DPF2: variants seen among roughly 807,000 people sequenced by gnomAD.
DPF2 encodes double PHD fingers 2, also known as zinc finger protein ubi-d4.
DPF2 carries 10 observed loss-of-function variants against 59.6 expected under a neutral mutation model. That is an observed-to-expected ratio of 0.17 (90% confidence interval 0.10 to 0.28). The LOEUF is 0.28. Among genes scored for constraint, DPF2 ranks in the 10% least tolerant of loss-of-function variants. The pLI, the probability that DPF2 is intolerant of heterozygous loss-of-function variation, is 1.00. For missense variants in DPF2, 315 were observed against 509.4 expected (o/e 0.62, Z 3.67); for synonymous variants, 189 against 190.6 (o/e 0.99, Z 0.07).
At chr11:65,338,680 T>C (rs1455950230) in intron 1 of DPF2, among the ~76,000 whole-genome samples, 2 of 152,176 alleles carry the variant, frequency 1.3e-5, no homozygotes, top group East Asian at 1.9e-4. Context: ...TTACAGCTCA[T>C]TGAATCACGC....
chr11:65,334,139 G>C (rs1351967998), intron 1 of DPF2, among the ~76,000 whole-genome samples: 1 of 152,242 alleles, frequency 6.6e-6, no homozygotes, highest in Non-Finnish European at 1.5e-5. Flanking sequence ...CCCGACGGGC[G>C]GCATCCCTGC....
intron 6 of DPF2, chr11:65,345,465 C>A: frequency 1.5e-6 from 1 of 652,200 alleles, no homozygotes; most frequent in Non-Finnish European, 2.6e-6. Context: ...GGGAAAAGAG[C>A]CCCAGAAGCT....
chr11:65,340,460 C>T lies in DPF2; in HGVS notation c.108C>T (p.Ser36=), dbSNP rs771572418. ...ATGCTCGCCTCTGTGCTGAGCGCAG[C>T]GTGCGCCTGCCTTTCTTGGACTCAC... ...NYNARLCAER[S]VRLPFLDSQT... Residue 36 remains serine (S), a synonymous_variant, in exon 2 of 11, where the codon AGC becomes AGT. Transcript: ENST00000528416. 27 of 1,614,256 alleles carry T rather than the reference C, an allele frequency of 1.7e-5. No individual in the cohort carries two copies. The East Asian group carries it at 2.5e-4, about 15-fold the overall frequency.
chr11:65,349,021 A>G (rs1854618793), intron 10 of DPF2, 90 bp downstream of exon 10: 4 of 1,456,228 alleles, frequency 2.7e-6, no homozygotes, highest in Non-Finnish European at 3.8e-6. Flanking sequence ...TATCACTTAC[A>G]TATTCTTCCA....
At chr11:65,341,133 C>A (rs1204096381) in intron 3 of DPF2, 60 bp downstream of exon 3, 1 of 1,543,876 alleles carries the variant, frequency 6.5e-7, no homozygotes, top group East Asian at 2.2e-5. Flanking sequence ...GCCTGCTAAT[C>A]ACTGTGATAT....
At position 65,335,079 on chromosome 11, in the gene DPF2, G is replaced by T. The variant is rs202050658; in HGVS notation, c.32+1161G>T. Reference sequence around the variant, plus strand: ...AGTGCCTTTCCTCCTCTTGTGGTTTGTTTTTTTTTTTTTTAAGTTGCTTTC... The same window carrying T: ...AGTGCCTTTCCTCCTCTTGTGGTTTTTTTTTTTTTTTTTTAAGTTGCTTTC... On this transcript the variant is annotated intron_variant, in intron 1 of 10. Transcript: ENST00000528416. 8.8e-3 allele frequency among the ~76,000 whole-genome samples: 1,246 copies of T among 141,632 alleles called. 17 individuals carry two copies. Among genetic ancestry groups the T allele is most frequent in the African/African-American group, 0.028 (1,089 of 38,350 alleles). The allele number at this position is 141,632 out of a possible 152,430, so 92.9% of individuals were successfully genotyped here.
In DPF2 at chr11:65,353,474, C is replaced by A. The variant is rs1392163731; in HGVS notation, c.*1715C>A. Reference sequence around the variant, plus strand: ...GCAGGGTCTGTGTGGCTTCAGTTGCCTGCAGCGCTCCCAGGCCAGAGCAAG... The same window carrying A: ...GCAGGGTCTGTGTGGCTTCAGTTGCATGCAGCGCTCCCAGGCCAGAGCAAG... On this transcript the variant is annotated 3_prime_UTR_variant, in exon 11 of 11. Transcript: ENST00000528416. Among the ~76,000 whole-genome samples the A allele has an allele frequency of 2.0e-5, 3 of 152,236 alleles. No individual in the cohort carries two copies. The highest frequency in any genetic ancestry group is 7.2e-5 in the African/African-American group (3 of 41,450).
intron 6 of DPF2, 179 bp downstream of exon 6, chr11:65,344,248 G>T (rs942637551): frequency 3.0e-6 from 2 of 657,106 alleles, no homozygotes; most frequent in African/African-American, 1.8e-5. Flanking sequence ...GCTATATGAC[G>T]GGTGGGACCT....
chr11:65,338,866 A>AG (rs1421686682), intron 1 of DPF2, among the ~76,000 whole-genome samples: 15 of 152,204 alleles, frequency 9.9e-5, no homozygotes, highest in Non-Finnish European at 2.1e-4. Flanking sequence ...ACAGAGACTT[A>AG]ATCTGTTTGC....
chr11:65,351,992 C>T lies in DPF2; in HGVS notation c.*233C>T, dbSNP rs575446528. 4 of 567,900 alleles carry T rather than the reference C, an allele frequency of 7.0e-6. No homozygotes were observed. The highest frequency in any genetic ancestry group is 5.6e-5 in the African/African-American group (3 of 53,250). 35.2% of individuals were successfully genotyped at this position (567,900 alleles called of 1,614,324 possible). ...ACACTGCCCCTAGGCGTGCGTGTGG[C>T]CCAGTTTCTCTCTGCTCTCCATTAA... is the stretch of plus-strand genomic sequence containing the variant. On this transcript the variant is annotated 3_prime_UTR_variant, in exon 11 of 11. Transcript: ENST00000528416.
rs746856930 is a variant in DPF2 at position 65,346,206 on chromosome 11, G to A, written c.905-41G>A. On this transcript the variant is annotated intron_variant, in intron 8 of 10. Transcript: ENST00000528416. ...AGGCAGGAGCTCCTCTCTTCCCCCC[G>A]CATTTCCGACTGTCTGTCTCACTCA... The A allele has an allele frequency of 1.2e-5, 19 of 1,603,252 alleles. No individual in the cohort carries two copies. The East Asian group carries it at 2.0e-4, about 17-fold the overall frequency.
chr11:65,348,998 A>G (rs559269423), intron 10 of DPF2, 67 bp downstream of exon 10: 242 of 1,549,384 alleles, frequency 1.6e-4, no homozygotes, highest in African/African-American at 1.6e-3. Context: ...ACTGAGTTCT[A>G]TGTTCTTTAT....
At chr11:65,350,697 TAAA>T (rs1283373450) in intron 10 of DPF2, among the ~76,000 whole-genome samples, 2 of 149,486 alleles carry the variant, frequency 1.3e-5, no homozygotes, top group Non-Finnish European at 3.0e-5. Flanking sequence ...AAAATCCCCT[TAAA>T]AATATAAAAA....
At chr11:65,341,801 A>G (rs1854382671) in intron 4 of DPF2, 1 of 428,208 alleles carries the variant, frequency 2.3e-6, no homozygotes, top group Non-Finnish European at 4.0e-6. Context: ...ATACACATAT[A>G]TAATTTTCAT....
chr11:65,342,993 C>G (rs1448815080), intron 4 of DPF2, among the ~76,000 whole-genome samples: 1 of 94,206 alleles, frequency 1.1e-5, no homozygotes, highest in Non-Finnish European at 2.2e-5. Flanking sequence ...GACTCCATCT[C>G]AAAAAAAAAA....
intron 3 of DPF2, 126 bp downstream of exon 3, chr11:65,341,199 C>G: frequency 8.0e-7 from 1 of 1,252,918 alleles, no homozygotes; most frequent in Non-Finnish European, 1.1e-6. Flanking sequence ...GTGATTCTTT[C>G]CTTTAAGGAC....
chr11:65,346,377 C>T lies in DPF2; in HGVS notation c.1017+18C>T, dbSNP rs1199982018. ...AGAATGACGTGTGTATCCCCGCCCCCTCCTCAGCATGGCTCCTTCTGGGCT... is the reference window on the plus strand; with the variant it reads ...AGAATGACGTGTGTATCCCCGCCCCTTCCTCAGCATGGCTCCTTCTGGGCT... On this transcript the variant is annotated intron_variant, in intron 9 of 10. Coordinates refer to ENST00000528416, the MANE Select transcript of DPF2 (RefSeq NM_006268.5). 3 of 1,604,724 alleles carry T rather than the reference C, an allele frequency of 1.9e-6. No individual in the cohort carries two copies. Among genetic ancestry groups the T allele is most frequent in the East Asian group, 2.2e-5 (1 of 44,838 alleles).
intron 5 of DPF2, 57 bp downstream of exon 5, chr11:65,343,894 A>G (rs1854452842): frequency 1.3e-6 from 2 of 1,592,428 alleles, no homozygotes; most frequent in Non-Finnish European, 1.7e-6. Context: ...GGAATTCCTT[A>G]TTTTATTTCA....
intron 6 of DPF2, chr11:65,344,862 T>C: frequency 1.9e-6 from 1 of 538,182 alleles, no homozygotes; most frequent in South Asian, 2.7e-5. Context: ...TGGGGTGGCT[T>C]CAGAAGCATT....
Sources: allele counts gnomAD v4.1 joint callset (sites outside exome capture counted in the v4.1 genomes callset), GRCh38; gene constraint gnomAD v4.1.1; transcripts MANE v1.5; gene names NCBI Gene and HGNC (gene_info 2026-07-23, HGNC 2026-07-21).